Variants in ZBTB14 observed in about 807,000 individuals in gnomAD.
ZBTB14 encodes zinc finger and BTB domain containing 14.
In ZBTB14, 8 loss-of-function variants were observed where a neutral mutation model predicts 29.5. The observed-to-expected ratio is 0.27, with a 90% CI of 0.16 to 0.49. The LOEUF is 0.49. Ranked by LOEUF, ZBTB14 falls within the 20% of genes least tolerant of loss-of-function variation. ZBTB14 has a pLI of 0.99. For synonymous variants in ZBTB14, 226 were observed against 207.2 expected (o/e 1.09, Z -0.78); for missense variants, 333 against 563.8 (o/e 0.59, Z 4.15).
chr18:5,296,076 C>G (rs1456351794), upstream of ZBTB14: 1 of 151,942 alleles, frequency 6.6e-6, no homozygotes, highest in Non-Finnish European at 1.5e-5. Flanking sequence ...ATGCGCGGTG[C>G]GGGCTGGGGG....
rs34402690 is a variant in ZBTB14 at position 5,291,305 on chromosome 18, C to T, written c.903G>A (p.Ala301=). Residue 301 remains alanine (A), a synonymous_variant, in exon 4 of 4, where the codon GCG becomes GCA. Transcript: ENST00000651870. This position sits in a 1 kb window ranked among gnomAD's most constrained non-coding sequence, Gnocchi z 5.8. ...ACATTTCACAAACAAATGGCCTGTC[C>T]GCCGTGTGGAGTTTCTCATGCTTCC... ...RLRKHEKLHT[A]DRPFVCEMCT... is the part of the protein sequence containing the mutation. 4,793 of 1,614,162 alleles carry T rather than the reference C, an allele frequency of 3.0e-3. 129 individuals carry two copies. In the African/African-American group the frequency reaches 0.056, roughly 19 times the overall value.
chr18:5,292,579 G>C (rs1341601031), intron 3 of ZBTB14, among the ~76,000 whole-genome samples: 1 of 152,220 alleles, frequency 6.6e-6, no homozygotes, highest in Non-Finnish European at 1.5e-5. Flanking sequence ...GGACTTAAAT[G>C]CAGACAATCT....
At chr18:5,294,157 C>T (rs2071885022) in intron 1 of ZBTB14, among the ~76,000 whole-genome samples, 156 bp from the exon 2 acceptor site, 1 of 152,222 alleles carries the variant, frequency 6.6e-6, no homozygotes, top group South Asian at 2.1e-4. Flanking sequence ...ATAATAAGCT[C>T]CTTCTAAAGA....
At position 5,291,532 on chromosome 18, in the gene ZBTB14, G is replaced by T. The variant is rs764424727; in HGVS notation, c.676C>A (p.Pro226Thr). 2 of 1,613,936 alleles carry T rather than the reference G, an allele frequency of 1.2e-6. No individual in the cohort carries two copies. Among genetic ancestry groups the T allele is most frequent in the East Asian group, 2.2e-5 (1 of 44,856 alleles). Residue 226 changes from proline to threonine, a missense_variant, in exon 4 of 4, where the codon CCA becomes ACA. Physicochemically the swap from Pro to Thr is conservative, Grantham distance 38 (BLOSUM62 -1). Transcript: ENST00000651870. This position sits in a 1 kb window ranked among gnomAD's most constrained non-coding sequence, Gnocchi z 5.8. ...TGGGACCCCAAGTCTTTTGATTCTGGGGTCTCCATGGATTCTACTTCCTGG... is the reference window on the plus strand; with the variant it reads ...TGGGACCCCAAGTCTTTTGATTCTGTGGTCTCCATGGATTCTACTTCCTGG... Reference protein sequence around the residue: ...YGQEVESMETPESKDLGSQTP... With the variant: ...YGQEVESMETTESKDLGSQTP...
upstream of ZBTB14, chr18:5,296,332 C>T (rs1281901665): frequency 6.7e-6 from 1 of 150,172 alleles, no homozygotes; most frequent in East Asian, 2.0e-4. Flanking sequence ...TAAGCACGAG[C>T]GCTGCTCGCG....
At chr18:5,295,270 C>A (rs1280171415) in intron 1 of ZBTB14, among the ~76,000 whole-genome samples, 1 of 145,050 alleles carries the variant, frequency 6.9e-6, no homozygotes, top group African/African-American at 2.5e-5. Flanking sequence ...CGGGCCCTCC[C>A]CCGCCCTCCC....
In ZBTB14 at chr18:5,293,256, A is replaced by G. The variant is rs1453522630; in HGVS notation, c.-10T>C. 12 of 1,613,310 alleles carry G rather than the reference A, an allele frequency of 7.4e-6. No homozygotes were observed. The Admixed American group carries it at 1.8e-4, about 25-fold the overall frequency. On this transcript the variant is annotated 5_prime_UTR_variant, in exon 3 of 4. Transcript: ENST00000651870. ...AAGTTATAGTTACCATGAACAACTC[A>G]GGCTATTATCTTAATGCCTTGAACG...
upstream of ZBTB14, among the ~76,000 whole-genome samples, chr18:5,296,352 C>T (rs1427349002): frequency 6.7e-6 from 1 of 150,216 alleles, no homozygotes; most frequent in African/African-American, 2.4e-5. Context: ...GGACACCCGC[C>T]CCGCCTCAAG....
upstream of ZBTB14, among the ~76,000 whole-genome samples, chr18:5,296,645 C>A (rs570599724): frequency 2.6e-5 from 4 of 152,014 alleles, no homozygotes; most frequent in Non-Finnish European, 2.9e-5. Context: ...GGGGAGTGGA[C>A]GGTGCACAAT....
chr18:5,292,655 A>G (rs1227296097), intron 3 of ZBTB14, among the ~76,000 whole-genome samples: 1 of 152,246 alleles, frequency 6.6e-6, no homozygotes, highest in African/African-American at 2.4e-5. Flanking sequence ...TTTAAGAAAC[A>G]GGTTCAAGGG....
chr18:5,295,049 G>A (rs759894628), intron 1 of ZBTB14, among the ~76,000 whole-genome samples: 2 of 151,876 alleles, frequency 1.3e-5, no homozygotes, highest in Non-Finnish European at 1.5e-5. Flanking sequence ...GTGGTGAAAG[G>A]GCCACTTTCC....
intron 1 of ZBTB14, among the ~76,000 whole-genome samples, chr18:5,295,177 T>G (rs1315524340): frequency 7.1e-6 from 1 of 141,568 alleles, no homozygotes; most frequent in East Asian, 2.1e-4. Flanking sequence ...TGCGGCCGGC[T>G]CCGCAGCCCC....
chr18:5,294,740 G>A (rs1005517245), intron 1 of ZBTB14: 2 of 152,346 alleles, frequency 1.3e-5, no homozygotes, highest in Non-Finnish European at 1.5e-5. Context: ...TCCAAACTGC[G>A]GGCGCGCTAA....
Position 5,291,664 on chromosome 18 carries a change from G to A in ZBTB14, c.544C>T (p.Pro182Ser). The A allele has an allele frequency of 6.2e-7, 1 of 1,614,050 alleles. No homozygotes were observed. Among genetic ancestry groups the A allele is most frequent in the Non-Finnish European group, 8.5e-7 (1 of 1,180,022 alleles). The change falls in exon 4 of 4, where the codon CCC becomes TCC. Residue 182 changes from proline (P) to serine (S), a missense_variant. Pro to Ser is a moderately conservative substitution (Grantham distance 74). This residue lies in a region of ZBTB14 where 126 missense variants were observed against 132.2 expected (regional missense o/e 0.95). Transcript: ENST00000651870. This position sits in a 1 kb window ranked among gnomAD's most constrained non-coding sequence, Gnocchi z 5.8. ...GACTTGCCGTCCTCCTGACTCGGGG[G>A]TGTGCCTTCTACTGTGTCATCAGAA... is the stretch of plus-strand genomic sequence containing the variant. ...SPSDDTVEGT[P>S]PSQEDGKSPT...
Position 5,293,312 on chromosome 18 carries a change from C to G in ZBTB14, c.-66G>C. The G allele has an allele frequency of 1.3e-6, 2 of 1,568,660 alleles. No individual in the cohort carries two copies. Among genetic ancestry groups the G allele is most frequent in the Non-Finnish European group, 1.7e-6 (2 of 1,144,062 alleles). ...ATCTTCAGATCAGAGTAACTCTGATCAGGAGCACGCCAGACCTACAGAGGA... is the reference window on the plus strand; with the variant it reads ...ATCTTCAGATCAGAGTAACTCTGATGAGGAGCACGCCAGACCTACAGAGGA... On this transcript the variant is annotated 5_prime_UTR_variant, in exon 3 of 4. Transcript: ENST00000651870.
chr18:5,296,252 G>A (rs1313823802), upstream of ZBTB14: 2 of 150,272 alleles, frequency 1.3e-5, no homozygotes, highest in African/African-American at 4.9e-5. Flanking sequence ...CGCGGCTTGG[G>A]GCGCGCGGAG....
upstream of ZBTB14, chr18:5,296,276 G>A (rs966872360): frequency 7.2e-6 from 1 of 138,102 alleles, no homozygotes; most frequent in Non-Finnish European, 1.6e-5. Context: ...GCGCGCGGGA[G>A]AAGGAGTGGG....
chr18:5,291,655 G>A lies in ZBTB14; in HGVS notation c.553C>T (p.Gln185Ter). 1 of 1,614,040 alleles carries A rather than the reference G, an allele frequency of 6.2e-7. No individual in the cohort carries two copies. Among genetic ancestry groups the A allele is most frequent in the Non-Finnish European group, 8.5e-7 (1 of 1,180,022 alleles). Residue 185 changes from glutamine to a stop codon, truncating the protein, a stop_gained, in exon 4 of 4, where the codon CAG (glutamine) becomes TAG (stop). Transcript: ENST00000651870. LOFTEE classifies it high-confidence loss of function. The surrounding 1 kb of genome is among the most constrained non-coding windows in gnomAD (Gnocchi z 5.8). ...DDTVEGTPPSQEDGKSPTTTL... is the reference protein window; with the variant it reads ...DDTVEGTPPS ...GTGGTGGGCGACTTGCCGTCCTCCT[G>A]ACTCGGGGGTGTGCCTTCTACTGTG...
rs1465682616 is a variant in ZBTB14, at chr18:5,293,271, T to C, written c.-25A>G. 8.7e-6 allele frequency: 14 copies of C among 1,612,992 alleles called. No homozygotes were observed. The highest frequency in any genetic ancestry group is 4.5e-5 in the East Asian group (2 of 44,866). The stretch of plus-strand genomic sequence containing the variant: ...TGAACAACTCAGGCTATTATCTTAA[T>C]GCCTTGAACGCCAAAATCTTCAGAT... On this transcript the variant is annotated 5_prime_UTR_variant, in exon 3 of 4. Transcript: ENST00000651870.
Sources: gnomAD v4.1 joint callset for allele counts (sites outside exome capture counted in the v4.1 genomes callset) on GRCh38, gnomAD v4.1.1 for gene constraint, gnomAD v4.1.1 regional missense constraint, Gnocchi (gnomAD v3.1) non-coding constraint, MANE v1.5 for transcripts, NCBI Gene and HGNC (gene_info 2026-07-23, HGNC 2026-07-21) for gene names.